Variants in ULK4 observed in about 807,000 individuals in gnomAD.
ULK4 encodes the protein unc-51 like kinase 4.
ULK4 carries 133 observed loss-of-function variants against 160.6 expected under a neutral mutation model. The observed-to-expected ratio is 0.83, with a 90% CI of 0.72 to 0.96. The LOEUF (loss-of-function observed/expected upper bound fraction) is 0.96, where lower values mean the gene tolerates loss of function less well. ULK4 is among the 40% of genes least tolerant of loss of function. ULK4 has a pLI of 0.00. For synonymous variants in ULK4, 534 were observed against 539.8 expected, an observed-to-expected ratio of 0.99 and a Z score of 0.15; for missense variants, 1,580 against 1,499.5, an observed-to-expected ratio of 1.05 and a Z score of -0.89.
intron 35 of ULK4, among the ~76,000 whole-genome samples, chr3:41,366,223 G>A (rs2125777641): frequency 6.6e-6 from 1 of 152,270 alleles, no homozygotes; most frequent in East Asian, 1.9e-4. Context: ...CACTATAGGT[G>A]CAATTCACTT....
At chr3:41,485,339 T>C (rs559502419) in intron 32 of ULK4, among the ~76,000 whole-genome samples, 1 of 152,234 alleles carries the variant, frequency 6.6e-6, no homozygotes, top group South Asian at 2.1e-4. Flanking sequence ...AAGGTGTGAT[T>C]GGGAACAGAA....
chr3:41,335,528 T>C (rs1436839175), intron 35 of ULK4, among the ~76,000 whole-genome samples: 2 of 152,150 alleles, frequency 1.3e-5, no homozygotes, highest in Non-Finnish European at 2.9e-5. Context: ...AATAGTGAGA[T>C]AAAGACTTTT....
chr3:41,713,005 G>A (rs965035682), intron 25 of ULK4, among the ~76,000 whole-genome samples: 1 of 151,548 alleles, frequency 6.6e-6, no homozygotes, highest in African/African-American at 2.4e-5. Flanking sequence ...ACTATGCTCC[G>A]GACAATTTCA....
At chr3:41,592,596 A>C (rs555590166) in intron 31 of ULK4, among the ~76,000 whole-genome samples, 1 of 152,342 alleles carries the variant, frequency 6.6e-6, no homozygotes, top group South Asian at 2.1e-4. Context: ...ATAAAAATAA[A>C]ATTTGTTGTC....
At chr3:41,712,542 A>G (rs376004561) in intron 25 of ULK4, among the ~76,000 whole-genome samples, 1 of 152,266 alleles carries the variant, frequency 6.6e-6, no homozygotes. Context: ...TGCATGAGAT[A>G]CATTTTGAGA....
intron 35 of ULK4, among the ~76,000 whole-genome samples, chr3:41,363,299 C>T (rs1018412441): frequency 6.6e-6 from 1 of 152,190 alleles, no homozygotes; most frequent in Admixed American, 6.5e-5. Flanking sequence ...TTGAGGGAGG[C>T]CAGATGGGAT....
intron 35 of ULK4, among the ~76,000 whole-genome samples, chr3:41,253,741 A>G (rs2078781035): frequency 6.6e-6 from 1 of 152,182 alleles, no homozygotes; most frequent in Non-Finnish European, 1.5e-5. Context: ...TTTAGAAATG[A>G]TCCAACCATC....
At chr3:41,494,175 C>G (rs1201002503) in intron 32 of ULK4, among the ~76,000 whole-genome samples, 1 of 111,780 alleles carries the variant, frequency 8.9e-6, no homozygotes, top group Non-Finnish European at 2.0e-5. Flanking sequence ...ATGCAAAAAT[C>G]CTCAATAAAA....
chr3:41,500,251 C>T (rs774657247), intron 32 of ULK4, among the ~76,000 whole-genome samples: 1 of 149,344 alleles, frequency 6.7e-6, no homozygotes, highest in Non-Finnish European at 1.5e-5. Context: ...TCCTAAATTG[C>T]AAGCCTAGCT....
chr3:41,306,138 G>T lies in ULK4; in HGVS notation c.3679-56564C>A, dbSNP rs112804881. Among the ~76,000 whole-genome samples the T allele has an allele frequency of 5.7e-5, 6 of 105,944 alleles. 1 individual carries two copies. The highest frequency in any genetic ancestry group is 2.7e-4 in the Admixed American group (3 of 10,946). The allele number at this position is 105,944 out of a possible 152,430, so 69.5% of individuals were successfully genotyped here. On this transcript the variant is annotated intron_variant, in intron 35 of 36. Coordinates refer to ENST00000301831, the MANE Select transcript of ULK4 (RefSeq NM_017886.4). ...CGTCCGGGAGGGAGGTGGGGGGGGG[G>T]GGTCAGCCCCCCGCCAGGCCAGCCG...
At chr3:41,720,783 T>A (rs1462312334) in intron 22 of ULK4, among the ~76,000 whole-genome samples, 1 of 152,186 alleles carries the variant, frequency 6.6e-6, no homozygotes. Flanking sequence ...AGTTCATTGC[T>A]GTTGGAAATG....
chr3:41,607,910 A>G (rs1247427566), intron 31 of ULK4, among the ~76,000 whole-genome samples: 1 of 152,192 alleles, frequency 6.6e-6, no homozygotes, highest in African/African-American at 2.4e-5. Flanking sequence ...CATTTTTGAC[A>G]AAAGACATAC....
At chr3:41,889,785 G>A (rs181177678) in intron 16 of ULK4, among the ~76,000 whole-genome samples, 24 of 152,258 alleles carry the variant, frequency 1.6e-4, no homozygotes, top group African/African-American at 2.6e-4. Flanking sequence ...AAATAAAAAC[G>A]TATGTTCACA....
intron 5 of ULK4, among the ~76,000 whole-genome samples, chr3:41,927,675 C>A (rs376720704): frequency 0.014 from 1,644 of 117,620 alleles, no homozygotes; most frequent in African/African-American, 0.016. Context: ...AAATGGAAAG[C>A]AAAAAAAAAA....
At chr3:41,865,688 G>C (rs2042600139) in intron 17 of ULK4, among the ~76,000 whole-genome samples, 1 of 152,104 alleles carries the variant, frequency 6.6e-6, no homozygotes, top group South Asian at 2.1e-4. Flanking sequence ...TTGGCTCAAA[G>C]AAGGTGCTCA....
intron 35 of ULK4, among the ~76,000 whole-genome samples, chr3:41,357,645 A>G (rs978497693): frequency 4.6e-5 from 7 of 152,334 alleles, no homozygotes; most frequent in African/African-American, 1.7e-4. Context: ...CCTAGCACAG[A>G]GTAGGGCTCA....
chr3:41,847,708 G>A (rs2042104268), intron 17 of ULK4, among the ~76,000 whole-genome samples: 1 of 146,104 alleles, frequency 6.8e-6, no homozygotes. Flanking sequence ...TAAGAACACT[G>A]TAAACCTCAT....
At chr3:41,396,950 C>T (rs1344496291) in intron 35 of ULK4, among the ~76,000 whole-genome samples, 1 of 152,066 alleles carries the variant, frequency 6.6e-6, no homozygotes, top group Non-Finnish European at 1.5e-5. Flanking sequence ...GTTCTGTCAC[C>T]CATCACCTGT....
intron 17 of ULK4, among the ~76,000 whole-genome samples, chr3:41,859,032 T>C (rs11719319): frequency 0.15 from 23,326 of 152,164 alleles, 2,278 homozygotes; most frequent in Admixed American, 0.23. Flanking sequence ...CATCTTCAAA[T>C]GCACAGATTC....
Sources: gnomAD v4.1 joint callset for allele counts (sites outside exome capture counted in the v4.1 genomes callset) on GRCh38, gnomAD v4.1.1 for gene constraint, MANE v1.5 for transcripts, NCBI Gene and HGNC (gene_info 2026-07-23, HGNC 2026-07-21) for gene names.